The following PRKCQ variants were observed in gnomAD, a reference collection of about 807,000 sequenced individuals.
PRKCQ encodes protein kinase C theta.
PRKCQ carries 41 observed loss-of-function variants against 91.2 expected under a neutral mutation model. The observed-to-expected ratio is 0.45, with a 90% CI of 0.35 to 0.58. PRKCQ has a LOEUF of 0.58. Ranked by LOEUF, PRKCQ falls within the 20% of genes least tolerant of loss-of-function variation. The probability of loss-of-function intolerance (pLI) is 0.00; values close to 1 mark genes in which losing one functional copy is unlikely to be tolerated. For missense variants in PRKCQ, 673 were observed against 896.5 expected (o/e 0.75, Z 3.18); for synonymous variants, 307 against 316.9 (o/e 0.97, Z 0.33).
chr10:6,402,951 G>C, the PRKCQ span, among the ~76,000 whole-genome samples: 1 of 152,214 alleles, frequency 6.6e-6, no homozygotes, highest in Non-Finnish European at 1.5e-5. Context: ...AAGGGAATTA[G>C]GACCACTTTT....
chr10:6,534,483 C>T (rs959374982), intron 1 of PRKCQ, among the ~76,000 whole-genome samples: 1 of 151,822 alleles, frequency 6.6e-6, no homozygotes, highest in Non-Finnish European at 1.5e-5. Context: ...AAGCAGATCT[C>T]GCCATAGCAA....
chr10:6,553,512 A>AAAAAAAAT (rs1554782547), intron 1 of PRKCQ, among the ~76,000 whole-genome samples: 1 of 140,802 alleles, frequency 7.1e-6, no homozygotes, highest in African/African-American at 2.7e-5. Flanking sequence ...AAAAAAAAAA[A>AAAAAAAAT]AAAAACAAAC....
At chr10:6,399,132 T>G in the PRKCQ span, among the ~76,000 whole-genome samples, 1 of 152,200 alleles carries the variant, frequency 6.6e-6, no homozygotes, top group Non-Finnish European at 1.5e-5. Flanking sequence ...GTAAACTCCC[T>G]TGCTTTGTAG....
rs753339055 is a variant in PRKCQ at position 6,576,025 on chromosome 10, C to A, written c.-10+4186G>T. On this transcript the variant is annotated intron_variant, in intron 1 of 17. Coordinates refer to ENST00000263125, the MANE Select transcript of PRKCQ (RefSeq NM_006257.5). This position sits in a 1 kb window ranked among gnomAD's most constrained non-coding sequence, Gnocchi z 4.2. ...ACTGCACTCCAGCCTGGCGACACAG[C>A]GAGACTCCATCTCAAAAAACACAAA... Among the ~76,000 whole-genome samples, 1 of 152,080 alleles carries A rather than the reference C, an allele frequency of 6.6e-6. No homozygotes were observed. Among genetic ancestry groups the A allele is most frequent in the Non-Finnish European group, 1.5e-5 (1 of 68,022 alleles).
At chr10:6,463,920 C>A (rs997544079) in intron 13 of PRKCQ, among the ~76,000 whole-genome samples, 4 of 152,152 alleles carry the variant, frequency 2.6e-5, no homozygotes, top group Non-Finnish European at 5.9e-5. Flanking sequence ...TTCCTGCTCC[C>A]TAAAGCTTTA....
intron 1 of PRKCQ, among the ~76,000 whole-genome samples, chr10:6,568,715 G>C (rs1448769414): frequency 1.3e-5 from 2 of 152,054 alleles, no homozygotes; most frequent in Admixed American, 6.5e-5. Flanking sequence ...AGCCAGGATG[G>C]TCTCAATCTC....
intron 1 of PRKCQ, among the ~76,000 whole-genome samples, chr10:6,559,275 C>T (rs1485922666): frequency 6.6e-6 from 1 of 152,076 alleles, no homozygotes; most frequent in Non-Finnish European, 1.5e-5. Flanking sequence ...GGTCCCAGCC[C>T]TTGAGGACTG....
At chr10:6,428,737 G>A (rs73605129) in intron 17 of PRKCQ, among the ~76,000 whole-genome samples, 1,638 of 152,260 alleles carry the variant, frequency 0.011, 35 homozygotes, top group African/African-American at 0.036. Context: ...ATAAGGGAGG[G>A]TGGTGGGGAG....
chr10:6,466,154 T>C (rs1296479429), intron 12 of PRKCQ, among the ~76,000 whole-genome samples: 2 of 151,666 alleles, frequency 1.3e-5, no homozygotes, highest in Non-Finnish European at 2.9e-5. Flanking sequence ...AGTGCTTGAG[T>C]GAACGGTTTC....
At chr10:6,537,878 A>G (rs1285628634) in intron 1 of PRKCQ, among the ~76,000 whole-genome samples, 1 of 152,152 alleles carries the variant, frequency 6.6e-6, no homozygotes, top group Non-Finnish European at 1.5e-5. Flanking sequence ...TTCCTCTTCC[A>G]CAGCGCCCCC....
chr10:6,404,412 TTTC>T, the PRKCQ span, among the ~76,000 whole-genome samples: 9 of 150,744 alleles, frequency 6.0e-5, no homozygotes, highest in East Asian at 4.0e-4. Flanking sequence ...TCCTTCTTTC[TTTC>T]TTTTTTCTCT....
intron 1 of PRKCQ, among the ~76,000 whole-genome samples, chr10:6,538,691 C>T (rs1169904347): frequency 6.6e-6 from 1 of 152,120 alleles, no homozygotes; most frequent in African/African-American, 2.4e-5. Context: ...TCTGGAAAGT[C>T]GGAGTTGGAA....
intron 15 of PRKCQ, among the ~76,000 whole-genome samples, chr10:6,449,690 C>T (rs1474357013): frequency 6.6e-6 from 1 of 152,026 alleles, no homozygotes; most frequent in Non-Finnish European, 1.5e-5. Context: ...AGAGAAAGGT[C>T]GGGTTACCCA....
At position 6,467,335 on chromosome 10, in the gene PRKCQ, CAGAGAGAG is replaced by C. The variant is rs1173010895; in HGVS notation, c.1354-2939_1354-2932del. 1.5e-3 allele frequency among the ~76,000 whole-genome samples: 159 copies of C among 103,384 alleles called. 2 individuals are homozygous for C. The highest frequency in any genetic ancestry group is 3.7e-3 in the Admixed American group (34 of 9,242). The allele number at this position is 103,384 out of a possible 152,430, so 67.8% of individuals were successfully genotyped here. On this transcript the variant is annotated intron_variant, in intron 12 of 17. Transcript: ENST00000263125. ...AGAGAGAGAGACAGAGAGAGACAGA[CAGAGAGAG>C]AGAGAGAGAGAGACAGAGAGAGAGA...
the PRKCQ span, among the ~76,000 whole-genome samples, chr10:6,421,981 T>C: frequency 6.6e-6 from 1 of 152,252 alleles, no homozygotes; most frequent in East Asian, 1.9e-4. The surrounding 1 kb of genome is among the most constrained non-coding windows in gnomAD (Gnocchi z 4.1). Flanking sequence ...CTTTTGTAGT[T>C]TTCTTTGTAT....
chr10:6,470,572 T>C (rs1835903431), intron 12 of PRKCQ, among the ~76,000 whole-genome samples: 1 of 152,162 alleles, frequency 6.6e-6, no homozygotes, highest in East Asian at 1.9e-4. Context: ...TCTCTAAGAC[T>C]GGTGGTGGAG....
At chr10:6,551,218 T>A (rs2130934745) in intron 1 of PRKCQ, among the ~76,000 whole-genome samples, 1 of 152,192 alleles carries the variant, frequency 6.6e-6, no homozygotes, top group South Asian at 2.1e-4. Flanking sequence ...TGTGTTCTCA[T>A]AATTTAGCTC....
chr10:6,543,160 G>A (rs571650534), intron 1 of PRKCQ, among the ~76,000 whole-genome samples: 3 of 152,318 alleles, frequency 2.0e-5, no homozygotes, highest in Non-Finnish European at 4.4e-5. Context: ...CTTTGAAGTC[G>A]TGTTCGTTAG....
the PRKCQ span, among the ~76,000 whole-genome samples, chr10:6,410,324 G>A: frequency 6.6e-6 from 1 of 152,214 alleles, no homozygotes; most frequent in Non-Finnish European, 1.5e-5. Context: ...ATATGTTAAA[G>A]TGATGTAAAT....
Sources: allele counts gnomAD v4.1 joint callset (sites outside exome capture counted in the v4.1 genomes callset), GRCh38; gene constraint gnomAD v4.1.1; non-coding constraint Gnocchi (gnomAD v3.1); transcripts MANE v1.5; gene names NCBI Gene and HGNC (gene_info 2026-07-23, HGNC 2026-07-21).